The following LINGO2 variants were observed in gnomAD, a reference collection of about 807,000 sequenced individuals.
LINGO2 encodes leucine rich repeat and Ig domain containing 2.
A neutral mutation model predicts 30.6 loss-of-function variants in LINGO2; 14 were observed. The observed-to-expected ratio is 0.46, with a 90% CI of 0.30 to 0.72. The LOEUF is 0.72. LINGO2 is among the 30% of genes least tolerant of loss of function. LINGO2 has a pLI of 0.07. For missense variants in LINGO2, 729 were observed against 751.7 expected (o/e 0.97, Z 0.35); for synonymous variants, 317 against 288.5 (o/e 1.10, Z -1.00).
the LINGO2 span, among the ~76,000 whole-genome samples, chr9:28,959,484 G>A: frequency 6.6e-6 from 1 of 151,942 alleles, no homozygotes; most frequent in South Asian, 2.1e-4. Flanking sequence ...AGAAAAACTA[G>A]ATACATGTAT....
At chr9:28,105,719 A>ACT (rs369866533) in intron 4 of LINGO2, among the ~76,000 whole-genome samples, 4,589 of 147,778 alleles carry the variant, frequency 0.031, 128 homozygotes, top group Admixed American at 0.082. Context: ...AACCTGTCTC[A>ACT]CTCTCTCTCT....
chr9:28,156,340 G>C (rs1287268623), intron 4 of LINGO2, among the ~76,000 whole-genome samples: 1 of 152,182 alleles, frequency 6.6e-6, no homozygotes, highest in African/African-American at 2.4e-5. Context: ...GGAATGGTTT[G>C]TAAAAATGCA....
chr9:28,688,566 G>A, the LINGO2 span, among the ~76,000 whole-genome samples: 2 of 152,132 alleles, frequency 1.3e-5, no homozygotes, highest in South Asian at 4.1e-4. Flanking sequence ...AATTGCCCGA[G>A]GAAGAATGCA....
At chr9:28,445,891 C>T (rs1194946861) in intron 2 of LINGO2, among the ~76,000 whole-genome samples, 1 of 152,162 alleles carries the variant, frequency 6.6e-6, no homozygotes, top group East Asian at 1.9e-4. Context: ...TGATTTACTA[C>T]CTCACATTAC....
At chr9:28,917,609 G>C in the LINGO2 span, among the ~76,000 whole-genome samples, 2 of 151,850 alleles carry the variant, frequency 1.3e-5, no homozygotes, top group Non-Finnish European at 2.9e-5. Flanking sequence ...CCCACCACCA[G>C]AATAAGTTTT....
intron 1 of LINGO2, among the ~76,000 whole-genome samples, chr9:28,654,489 G>A (rs549568380): frequency 3.0e-5 from 2 of 65,916 alleles, no homozygotes; most frequent in African/African-American, 2.1e-4. Context: ...GATTGATTGA[G>A]TATCAGGAGA....
At chr9:28,467,377 G>C (rs1825358684) in intron 2 of LINGO2, among the ~76,000 whole-genome samples, 1 of 152,050 alleles carries the variant, frequency 6.6e-6, no homozygotes, top group Admixed American at 6.6e-5. Context: ...TCATATACTA[G>C]AGTAGCAAAC....
chr9:28,918,563 T>C, the LINGO2 span, among the ~76,000 whole-genome samples: 17 of 152,180 alleles, frequency 1.1e-4, no homozygotes, highest in African/African-American at 4.1e-4. Flanking sequence ...ATGGAACATC[T>C]GACTTAGGGA....
At chr9:28,512,025 G>A (rs1820406219) in intron 1 of LINGO2, among the ~76,000 whole-genome samples, 1 of 151,382 alleles carries the variant, frequency 6.6e-6, no homozygotes, top group Admixed American at 6.6e-5. Context: ...CAGGCTGGGG[G>A]AGAGAAGGCA....
chr9:28,606,492 AT>A (rs778390950), intron 1 of LINGO2, among the ~76,000 whole-genome samples: 15 of 151,958 alleles, frequency 9.9e-5, no homozygotes, highest in Non-Finnish European at 1.8e-4. Context: ...AATACAAGCT[AT>A]TTTACACTTT....
At chr9:28,037,264 T>G (rs1047191608) in intron 4 of LINGO2, among the ~76,000 whole-genome samples, 1 of 152,228 alleles carries the variant, frequency 6.6e-6, no homozygotes, top group Non-Finnish European at 1.5e-5. Context: ...CTGTCTGACT[T>G]GGATCTATCA....
chr9:28,907,277 A>G, the LINGO2 span, among the ~76,000 whole-genome samples: 1 of 151,978 alleles, frequency 6.6e-6, no homozygotes, highest in African/African-American at 2.4e-5. Context: ...TTTATGAAAG[A>G]GATGAAAATT....
chr9:28,953,458 C>T, the LINGO2 span, among the ~76,000 whole-genome samples: 2 of 151,822 alleles, frequency 1.3e-5, no homozygotes, highest in South Asian at 2.1e-4. Flanking sequence ...TATGAAAACA[C>T]TAATTTAAAA....
chr9:27,949,836 T>C (rs1384412595), exon 6 of LINGO2: 1 of 1,613,370 alleles, frequency 6.2e-7, no homozygotes, highest in Admixed American at 1.7e-5. Context: ...GTAGGAGAGG[T>C]TAAGGTGAGT....
At chr9:28,557,241 T>TACTC (rs1564290493) in intron 1 of LINGO2, among the ~76,000 whole-genome samples, 1 of 151,868 alleles carries the variant, frequency 6.6e-6, no homozygotes, top group African/African-American at 2.4e-5. Flanking sequence ...TTTCACAACC[T>TACTC]ACTCATCTGA....
At chr9:29,106,647 A>G in the LINGO2 span, among the ~76,000 whole-genome samples, 1 of 152,294 alleles carries the variant, frequency 6.6e-6, no homozygotes, top group African/African-American at 2.4e-5. Context: ...CACAGAGTTT[A>G]TTATACTTCT....
At chr9:28,357,174 A>T (rs1285034825) in intron 3 of LINGO2, among the ~76,000 whole-genome samples, 1 of 152,072 alleles carries the variant, frequency 6.6e-6, no homozygotes, top group African/African-American at 2.4e-5. Flanking sequence ...TTTCTAATTT[A>T]TGGTTCTTTC....
the LINGO2 span, among the ~76,000 whole-genome samples, chr9:28,969,754 G>A: frequency 6.6e-6 from 1 of 152,154 alleles, no homozygotes; most frequent in African/African-American, 2.4e-5. Context: ...GAAGAGAGGA[G>A]ATTCAAGAAT....
At chr9:28,809,236 A>C in the LINGO2 span, among the ~76,000 whole-genome samples, 2 of 152,368 alleles carry the variant, frequency 1.3e-5, no homozygotes, top group East Asian at 3.9e-4. Flanking sequence ...AATAGGATTC[A>C]AAGTGTTTAT....
Sources: allele counts gnomAD v4.1 joint callset (sites outside exome capture counted in the v4.1 genomes callset), GRCh38; gene constraint gnomAD v4.1.1; transcripts MANE v1.5; gene names NCBI Gene and HGNC (gene_info 2026-07-23, HGNC 2026-07-21).